Variants in XG observed in about 807,000 individuals in gnomAD.
The protein encoded by XG is Xg glycoprotein (Xg blood group).
In XG, 24 loss-of-function variants were observed where a neutral mutation model predicts 25.7. The observed-to-expected ratio is 0.93, with a 90% CI of 0.68 to 1.31. The LOEUF (loss-of-function observed/expected upper bound fraction) is 1.31, where lower values mean the gene tolerates loss of function less well. XG is among the 40% of genes most tolerant of loss of function. The probability of loss-of-function intolerance (pLI) is 0.00; values close to 1 mark genes in which losing one functional copy is unlikely to be tolerated. For synonymous variants in XG, 77 were observed against 69.2 expected, an observed-to-expected ratio of 1.11 and a Z score of -0.56; for missense variants, 181 against 187.6, an observed-to-expected ratio of 0.96 and a Z score of 0.21.
chrX:2,798,375 T>C (rs1603457774), intron 7 of XG, among the ~76,000 whole-genome samples: 2 of 104,629 alleles, frequency 1.9e-5, no homozygotes, highest in Admixed American at 1.0e-4. Flanking sequence ...TTTTCTTTTT[T>C]TTTTTTTTTT....
At chrX:2,787,856 G>A (rs2086798827) in intron 4 of XG, among the ~76,000 whole-genome samples, 2 of 103,668 alleles carry the variant, frequency 1.9e-5, no homozygotes, top group Non-Finnish European at 2.0e-5. Context: ...GCAGGGAGCC[G>A]AGATTGTGCC....
chrX:2,777,738 G>T (rs973999337), intron 3 of XG, among the ~76,000 whole-genome samples: 2 of 152,172 alleles, frequency 1.3e-5, no homozygotes, highest in African/African-American at 4.8e-5. Flanking sequence ...TAATAAATCT[G>T]TAAAAAGACG....
intron 1 of XG, among the ~76,000 whole-genome samples, chrX:2,763,527 C>T (rs1471904332): frequency 6.6e-6 from 1 of 152,120 alleles, no homozygotes; most frequent in Non-Finnish European, 1.5e-5. Flanking sequence ...GAGGAAGTCA[C>T]ACCAATGGCC....
intron 2 of XG, among the ~76,000 whole-genome samples, chrX:2,774,018 A>ACC (rs199594881): frequency 0.11 from 16,091 of 151,920 alleles, 927 homozygotes; most frequent in Admixed American, 0.13. Flanking sequence ...CCACACACAA[A>ACC]CCCGTGTTCC....
At chrX:2,795,927 A>C (rs1178651278) in intron 6 of XG, among the ~76,000 whole-genome samples, 2 of 111,008 alleles carry the variant, frequency 1.8e-5, no homozygotes, top group Non-Finnish European at 3.8e-5. Flanking sequence ...AAGCGTTGGG[A>C]TTACAGGCGT....
In XG at chrX:2,777,700, C is replaced by A. The variant is rs557497567; in HGVS notation, c.127+2961C>A. 2.0e-5 allele frequency among the ~76,000 whole-genome samples: 3 copies of A among 152,114 alleles called. No individual in the cohort carries two copies. The South Asian group carries it at 6.3e-4, about 32-fold the overall frequency. Reference sequence around the variant, plus strand: ...AAATAAAATAGTAGGAATAGTGAATCCTTAGTTATGTTAGATGTTCAGTGA... The same window carrying A: ...AAATAAAATAGTAGGAATAGTGAATACTTAGTTATGTTAGATGTTCAGTGA... On this transcript the variant is annotated intron_variant, in intron 3 of 10. Coordinates refer to ENST00000644266, the MANE Select transcript of XG (RefSeq NM_001141919.2).
chrX:2,805,346 A>G (rs2086984845), intron 7 of XG, among the ~76,000 whole-genome samples: 1 of 112,452 alleles, frequency 8.9e-6, no homozygotes, highest in Admixed American at 9.4e-5. Flanking sequence ...CTGAAGCAAA[A>G]GGGATTTCTT....
intron 3 of XG, among the ~76,000 whole-genome samples, chrX:2,779,995 C>T (rs1165199584): frequency 1.3e-5 from 2 of 152,080 alleles, no homozygotes. Flanking sequence ...TCCTGATACG[C>T]TGTAAATGCT....
intron 1 of XG, among the ~76,000 whole-genome samples, chrX:2,766,972 G>T (rs1354300565): frequency 1.3e-5 from 2 of 152,018 alleles, no homozygotes; most frequent in Admixed American, 1.3e-4. Context: ...GACCCGTCTT[G>T]GGGAAGAGGG....
chrX:2,781,917 A>C, intron 3 of XG, 149 bp from the exon 4 acceptor site: 1 of 494,426 alleles, frequency 2.0e-6, no homozygotes, highest in Non-Finnish European at 3.4e-6. Context: ...ATTTTTAACC[A>C]GACAATGGCA....
At chrX:2,775,360 A>G (rs2050954281) in intron 3 of XG, among the ~76,000 whole-genome samples, 1 of 152,234 alleles carries the variant, frequency 6.6e-6, no homozygotes, top group Non-Finnish European at 1.5e-5. Context: ...TTTTGCAAAG[A>G]GAAAGAAGCC....
intron 1 of XG, among the ~76,000 whole-genome samples, chrX:2,760,856 G>A (rs2124413939): frequency 1.3e-5 from 2 of 151,988 alleles, no homozygotes; most frequent in South Asian, 2.1e-4. Context: ...CATGCACACA[G>A]GGACGATCCT....
At chrX:2,789,733 TA>T (rs2086819702) in intron 5 of XG, 27 bp downstream of exon 5, 1 of 661,229 alleles carries the variant, frequency 1.5e-6, no homozygotes, top group Non-Finnish European at 2.0e-6. Flanking sequence ...TATTTATTTT[TA>T]TTTTATTTTA....
At chrX:2,775,760 A>C (rs2050966951) in intron 3 of XG, among the ~76,000 whole-genome samples, 1 of 151,764 alleles carries the variant, frequency 6.6e-6, no homozygotes, top group Non-Finnish European at 1.5e-5. Flanking sequence ...GTTCGAGACC[A>C]ACCTGGCCAA....
chrX:2,777,243 G>A (rs114565367), intron 3 of XG, among the ~76,000 whole-genome samples: 70 of 152,256 alleles, frequency 4.6e-4, no homozygotes, highest in Admixed American at 7.8e-4. Context: ...TTCTGAAGAT[G>A]AGGCTACCTT....
chrX:2,760,288 A>C (rs1189476788), intron 1 of XG, among the ~76,000 whole-genome samples: 1 of 152,128 alleles, frequency 6.6e-6, no homozygotes, highest in Admixed American at 6.6e-5. Context: ...ATCTCCACTG[A>C]ACCAGGCTGT....
chrX:2,760,605 C>T (rs1388796127), intron 1 of XG, among the ~76,000 whole-genome samples: 4 of 149,808 alleles, frequency 2.7e-5, no homozygotes, highest in South Asian at 2.1e-4. Flanking sequence ...ATTAGCTGGG[C>T]GTGCCTGTAG....
chrX:2,780,425 T>TAAA (rs751220927), intron 3 of XG, among the ~76,000 whole-genome samples: 13 of 126,632 alleles, frequency 1.0e-4, no homozygotes, highest in Non-Finnish European at 9.6e-5. Context: ...TTTTTTTTTC[T>TAAA]AAAAAAAAAA....
At chrX:2,802,282 G>A (rs1399366557) in intron 7 of XG, among the ~76,000 whole-genome samples, 1 of 111,083 alleles carries the variant, frequency 9.0e-6, no homozygotes, top group Non-Finnish European at 1.9e-5. Context: ...AGCCTCCTGT[G>A]TAGCTAGGAC....
Sources: allele counts gnomAD v4.1 joint callset (sites outside exome capture counted in the v4.1 genomes callset), GRCh38; gene constraint gnomAD v4.1.1; transcripts MANE v1.5; gene names NCBI Gene and HGNC (gene_info 2026-07-23, HGNC 2026-07-21).